The following CASR variants were observed in gnomAD, a reference collection of about 807,000 sequenced individuals.
CASR encodes calcium sensing receptor.
A neutral mutation model predicts 69.1 loss-of-function variants in CASR; 23 were observed. The observed-to-expected ratio is 0.33, with a 90% CI of 0.24 to 0.47. CASR has a LOEUF of 0.47. CASR is among the 20% of genes least tolerant of loss of function. The pLI, the probability that CASR is intolerant of heterozygous loss-of-function variation, is 1.00. For missense variants in CASR, 924 were observed against 1,356.1 expected (o/e 0.68, Z 5.00); for synonymous variants, 541 against 544.7 (o/e 0.99, Z 0.10).
chr3:122,248,021 C>G (rs1306065910), intron 1 of CASR, among the ~76,000 whole-genome samples: 2 of 152,190 alleles, frequency 1.3e-5, no homozygotes, highest in African/African-American at 2.4e-5. Context: ...AAAAGTCACA[C>G]CTGTTGTCAG....
chr3:122,274,384 ATGTT>A (rs2074792039), intron 4 of CASR, among the ~76,000 whole-genome samples: 1 of 152,242 alleles, frequency 6.6e-6, no homozygotes, highest in Non-Finnish European at 1.5e-5. Flanking sequence ...CTATAAATAA[ATGTT>A]TGTCTAAAAA....
chr3:122,250,032 G>A lies in CASR; in HGVS notation c.-242-3916G>A, dbSNP rs35766781. Among the ~76,000 whole-genome samples, 1,215 of 152,292 alleles carry A rather than the reference G, an allele frequency of 8.0e-3. 2 individuals carry two copies. The highest frequency in any genetic ancestry group is 0.012 in the Non-Finnish European group (836 of 68,026). Reference sequence around the variant, plus strand: ...CTCCGTGCAGCAGAATAGAGGAAGCGGGGAGAAGGGATAAGGGGCAACCAG... The same window carrying A: ...CTCCGTGCAGCAGAATAGAGGAAGCAGGGAGAAGGGATAAGGGGCAACCAG... On this transcript the variant is annotated intron_variant, in intron 1 of 6. Coordinates refer to ENST00000639785, the MANE Select transcript of CASR (RefSeq NM_000388.4).
intron 1 of CASR, among the ~76,000 whole-genome samples, chr3:122,195,290 A>G (rs755598611): frequency 6.6e-6 from 1 of 152,176 alleles, no homozygotes; most frequent in Non-Finnish European, 1.5e-5. Flanking sequence ...CCATCCATTT[A>G]GTTCAAAAGT....
intron 1 of CASR, among the ~76,000 whole-genome samples, chr3:122,201,665 C>A (rs1268888767): frequency 1.7e-4 from 13 of 77,830 alleles, no homozygotes; most frequent in Non-Finnish European, 2.5e-4. Context: ...GGCGGCTGGC[C>A]AGGCGGGGGC....
chr3:122,223,062 C>G (rs1012948767), intron 1 of CASR, among the ~76,000 whole-genome samples: 3 of 152,082 alleles, frequency 2.0e-5, no homozygotes, highest in Non-Finnish European at 4.4e-5. Context: ...TGGGACACAA[C>G]TAAAGCAGTG....
At chr3:122,225,602 G>A (rs1217390166) in intron 1 of CASR, among the ~76,000 whole-genome samples, 4 of 148,354 alleles carry the variant, frequency 2.7e-5, no homozygotes, top group African/African-American at 9.9e-5. Flanking sequence ...CAGAGAAAAG[G>A]GAACACTTAT....
At chr3:122,237,762 C>T (rs1053610808) in intron 1 of CASR, among the ~76,000 whole-genome samples, 6 of 152,090 alleles carry the variant, frequency 3.9e-5, no homozygotes, top group African/African-American at 1.4e-4. Flanking sequence ...GCAATGACCA[C>T]AATGAAAAAG....
At chr3:122,269,393 A>C (rs776195188) in intron 4 of CASR, among the ~76,000 whole-genome samples, 1 of 152,268 alleles carries the variant, frequency 6.6e-6, no homozygotes, top group East Asian at 1.9e-4. Flanking sequence ...GTTCCCTTTT[A>C]TTCCTATATT....
Position 122,262,203 on chromosome 3 carries a change from G to A in CASR, c.1168G>A (p.Ala390Thr), listed in dbSNP as rs202228006. Residue 390 changes from alanine to threonine, a missense_variant, in exon 4 of 7, where the codon GCC becomes ACC. This residue lies in a region of CASR where 310 missense variants were observed against 395.7 expected (regional missense o/e 0.78). Coordinates refer to ENST00000639785, the MANE Select transcript of CASR (RefSeq NM_000388.4). Reference sequence around the variant, plus strand: ...CGACAGGTTTAGCAACAGCTCGACAGCCTTCCGACCCCTCTGTACAGGGGA... The same window carrying A: ...CGACAGGTTTAGCAACAGCTCGACAACCTTCCGACCCCTCTGTACAGGGGA... The part of the protein sequence containing the change: ...SGDRFSNSST[A>T]FRPLCTGDEN... 5 of 1,614,190 alleles carry A rather than the reference G, an allele frequency of 3.1e-6. No individual in the cohort carries two copies. The highest frequency in any genetic ancestry group is 4.2e-6 in the Non-Finnish European group (5 of 1,180,018).
Position 122,285,521 on chromosome 3 carries a change from AC to A in CASR, c.*333del, listed in dbSNP as rs1437210536. ...AGAGATGAAACTATGGCTTTAAACT[AC>A]CCTCCAGAGTGTGCAGACTGATGGG... On this transcript the variant is annotated 3_prime_UTR_variant, in exon 7 of 7. Coordinates refer to ENST00000639785, the MANE Select transcript of CASR (RefSeq NM_000388.4). 1 of 344,318 alleles carries A rather than the reference AC, an allele frequency of 2.9e-6. No homozygotes were observed. Among genetic ancestry groups the A allele is most frequent in the African/African-American group, 2.1e-5 (1 of 47,362 alleles). 21.3% of individuals were successfully genotyped at this position (344,318 alleles called of 1,614,324 possible). A position where few individuals can be genotyped will look rare whatever the true frequency, so the allele number is the denominator to read the frequency against.
At chr3:122,205,166 C>T (rs565973198) in intron 1 of CASR, among the ~76,000 whole-genome samples, 39 of 152,098 alleles carry the variant, frequency 2.6e-4, no homozygotes, top group African/African-American at 9.2e-4. Flanking sequence ...ACCAATGTCC[C>T]GAAGCATTTC....
At chr3:122,242,672 A>T (rs1056691400) in intron 1 of CASR, among the ~76,000 whole-genome samples, 5 of 152,194 alleles carry the variant, frequency 3.3e-5, no homozygotes, top group African/African-American at 1.2e-4. Context: ...TAGAAAAAAC[A>T]ATCCTAAAAT....
At chr3:122,255,317 T>C (rs2074543300) in intron 2 of CASR, among the ~76,000 whole-genome samples, 1 of 152,214 alleles carries the variant, frequency 6.6e-6, no homozygotes, top group Non-Finnish European at 1.5e-5. Flanking sequence ...TAGAGAGACT[T>C]GCAACTTCCA....
chr3:122,239,476 C>T (rs186812231), intron 1 of CASR, among the ~76,000 whole-genome samples: 17 of 152,358 alleles, frequency 1.1e-4, no homozygotes, highest in Admixed American at 2.0e-4. Flanking sequence ...ACCCACCCAA[C>T]GCCTGGGGGA....
At chr3:122,198,482 G>A (rs1468198960) in intron 1 of CASR, among the ~76,000 whole-genome samples, 1 of 152,054 alleles carries the variant, frequency 6.6e-6, no homozygotes, top group Non-Finnish European at 1.5e-5. Flanking sequence ...AGACCAGAAT[G>A]TATAATATGA....
Position 122,255,165 on chromosome 3 carries a change from G to A in CASR, c.185+791G>A, listed in dbSNP as rs186569635. 1.3e-4 allele frequency among the ~76,000 whole-genome samples: 20 copies of A among 152,066 alleles called. 1 individual carries two copies. The East Asian group carries it at 2.5e-3, about 19-fold the overall frequency. ...CATCTGATGCCCCCTAATTTACTGC[G>A]ACCCTTTTAGAATATAGTCTCCAGG... On this transcript the variant is annotated intron_variant, in intron 2 of 6. Transcript: ENST00000639785.
intron 1 of CASR, among the ~76,000 whole-genome samples, chr3:122,212,195 T>A (rs2074074925): frequency 6.6e-6 from 1 of 152,178 alleles, no homozygotes; most frequent in Admixed American, 6.5e-5. Flanking sequence ...AAAGAAAATG[T>A]GGTACATATA....
Position 122,207,584 on chromosome 3 carries a change from A to G in CASR, c.-243+23772A>G, listed in dbSNP as rs74551993. On this transcript the variant is annotated intron_variant, in intron 1 of 6. Transcript: ENST00000639785. ...GTTTCTGAACACCAATGAGTCAATG[A>G]AGAAATTAAGAAGGACATTTTAAAA... 3.7e-3 allele frequency among the ~76,000 whole-genome samples: 556 copies of G among 152,278 alleles called. 3 individuals are homozygous for G. The highest frequency in any genetic ancestry group is 0.014 in the Middle Eastern group (4 of 294).
intron 4 of CASR, among the ~76,000 whole-genome samples, chr3:122,267,635 G>C (rs1053357296): frequency 3.3e-5 from 5 of 152,208 alleles, no homozygotes; most frequent in Admixed American, 2.6e-4. Flanking sequence ...GTGGCCTAAG[G>C]CTGCAAGTGG....
Sources: gnomAD v4.1 joint callset for allele counts (sites outside exome capture counted in the v4.1 genomes callset) on GRCh38, gnomAD v4.1.1 for gene constraint, gnomAD v4.1.1 regional missense constraint, MANE v1.5 for transcripts, NCBI Gene and HGNC (gene_info 2026-07-23, HGNC 2026-07-21) for gene names.